The following LINC00632 variants were observed in gnomAD, a reference collection of about 807,000 sequenced individuals.
The protein encoded by LINC00632 is ALDOA related specific transcript.
chrX:140,771,846 A>ATT (rs201454918), intron 3 of LINC00632, among the ~76,000 whole-genome samples: 8 of 104,775 alleles, frequency 7.6e-5, no homozygotes, highest in Non-Finnish European at 1.6e-4. Flanking sequence ...TGCCCAGCTA[A>ATT]TTTTTTTGCA....
At chrX:140,724,467 TATTCCATACATACACACACACAC>T (rs1569348754) in intron 2 of LINC00632, among the ~76,000 whole-genome samples, 1 of 12,544 alleles carries the variant, frequency 8.0e-5, no homozygotes, top group African/African-American at 2.7e-4. Context: ...CACAGAGGCA[TATTCCATACATACACACACACAC>T]ATTCCATACA....
chrX:140,771,006 C>T (rs1364781449), intron 3 of LINC00632, among the ~76,000 whole-genome samples: 1 of 111,602 alleles, frequency 9.0e-6, no homozygotes, highest in African/African-American at 3.3e-5. Flanking sequence ...ATGGCACTAC[C>T]AGAAACTCTC....
chrX:140,749,986 C>T (rs759740504), intron 3 of LINC00632, among the ~76,000 whole-genome samples: 4 of 110,927 alleles, frequency 3.6e-5, no homozygotes, highest in Non-Finnish European at 5.7e-5. Flanking sequence ...TGAGACACCA[C>T]GCCTGGCCAA....
rs750712764 is a variant in LINC00632 at position 140,743,204 on chromosome X, G to A, written n.191+9240G>A. On this transcript the variant is annotated intron_variant and non_coding_transcript_variant, in intron 3 of 4. Coordinates refer to ENST00000648200, the Ensembl canonical transcript of LINC00632. The stretch of plus-strand genomic sequence containing the variant: ...CACACCATTGCACTCCAGCCTGGGC[G>A]ACAGAGCAAAACGCTGTCTCAAAAA... 5.4e-3 allele frequency among the ~76,000 whole-genome samples: 439 copies of A among 80,810 alleles called. 5 individuals carry two copies. Among genetic ancestry groups the A allele is most frequent in the African/African-American group, 0.025 (418 of 16,639 alleles). The allele number at this position is 80,810 out of a possible 115,157, so 70.2% of individuals were successfully genotyped here.
At chrX:140,736,436 C>CTTTTTTTTTTTTTTTTTTTT (rs748293491) in intron 3 of LINC00632, among the ~76,000 whole-genome samples, 1 of 50,064 alleles carries the variant, frequency 2.0e-5, no homozygotes, top group African/African-American at 5.7e-5. Context: ...TCTTCTTCTT[C>CTTTTTTTTTTTTTTTTTTTT]TTTTTTTTTT....
At chrX:140,711,108 A>AT (rs1162073973) in intron 1 of LINC00632, among the ~76,000 whole-genome samples, 1 of 111,428 alleles carries the variant, frequency 9.0e-6, no homozygotes, top group Non-Finnish European at 1.9e-5. Flanking sequence ...GTATATTGGT[A>AT]TTTTGTCTTT....
chrX:140,759,355 TTC>T (rs1931562772), intron 3 of LINC00632, among the ~76,000 whole-genome samples: 1 of 100,002 alleles, frequency 1.0e-5, no homozygotes, highest in Non-Finnish European at 2.0e-5. Context: ...CTTTCTTTCT[TTC>T]TTTCTTTCTT....
intron 3 of LINC00632, among the ~76,000 whole-genome samples, chrX:140,757,406 C>G (rs1305208510): frequency 9.0e-6 from 1 of 111,238 alleles, no homozygotes; most frequent in Non-Finnish European, 1.9e-5. Context: ...CAGATAGCAA[C>G]TGAAATGCTG....
intron 2 of LINC00632, among the ~76,000 whole-genome samples, chrX:140,718,726 C>T (rs898125932): frequency 1.8e-5 from 2 of 111,652 alleles, no homozygotes; most frequent in Non-Finnish European, 1.9e-5. Context: ...GTACCTATTC[C>T]GTAACGCCTA....
At chrX:140,765,263 A>T (rs995937732) in intron 3 of LINC00632, among the ~76,000 whole-genome samples, 11 of 110,550 alleles carry the variant, frequency 1.0e-4, no homozygotes, top group African/African-American at 3.6e-4. Context: ...AGGGGCAGGG[A>T]CTGAGCCTCA....
chrX:140,728,667 A>G (rs57965492), intron 2 of LINC00632, among the ~76,000 whole-genome samples: 5,251 of 111,720 alleles, frequency 0.047, 330 homozygotes, highest in African/African-American at 0.16. Context: ...GTGTCCTTCA[A>G]TGTACAAAAT....
exon 5 of LINC00632, among the ~76,000 whole-genome samples, chrX:140,777,362 C>T (rs1217985128): frequency 4.5e-5 from 5 of 112,239 alleles, no homozygotes; most frequent in African/African-American, 9.7e-5. Flanking sequence ...TTCTTCAACA[C>T]GCTCAAATGA....
At chrX:140,728,884 C>A (rs963762075) in intron 2 of LINC00632, among the ~76,000 whole-genome samples, 2 of 111,259 alleles carry the variant, frequency 1.8e-5, no homozygotes, top group African/African-American at 6.5e-5. Flanking sequence ...CACAACCTCA[C>A]ACCACCCCAC....
chrX:140,765,878 G>A (rs1931682239), intron 3 of LINC00632, among the ~76,000 whole-genome samples: 1 of 111,862 alleles, frequency 8.9e-6, no homozygotes, highest in Admixed American at 9.5e-5. Context: ...GTCTTATGCG[G>A]GCCAGTGAAA....
At chrX:140,783,645 C>T in exon 5 of LINC00632, 1 of 1,211,070 alleles carries the variant, frequency 8.3e-7, no homozygotes, top group Non-Finnish European at 1.1e-6. Context: ...CAGTGTCTTC[C>T]AGAAAGAAAT....
chrX:140,722,721 A>C (rs1264091691), intron 2 of LINC00632, among the ~76,000 whole-genome samples: 1 of 110,882 alleles, frequency 9.0e-6, no homozygotes, highest in Non-Finnish European at 1.9e-5. Flanking sequence ...TCATGAAAAT[A>C]CTCCACACCC....
At chrX:140,723,787 CACAT>C (rs1227115630) in intron 2 of LINC00632, among the ~76,000 whole-genome samples, 16 of 2,893 alleles carry the variant, frequency 5.5e-3, no homozygotes, top group African/African-American at 0.014. Context: ...ATTCCATACA[CACAT>C]ACATACACAC....
rs1198725548 is a variant in LINC00632, at chrX:140,764,858, G to A, written n.192-7220G>A. On this transcript the variant is annotated intron_variant and non_coding_transcript_variant, in intron 3 of 4. Coordinates refer to ENST00000648200, the Ensembl canonical transcript of LINC00632. Reference sequence around the variant, plus strand: ...TCCCATCCTGAGGGCTCCTGCCTCGGCTCCCGGCTTCCTCCTCCGGGCTAT... The same window carrying A: ...TCCCATCCTGAGGGCTCCTGCCTCGACTCCCGGCTTCCTCCTCCGGGCTAT... Among the ~76,000 whole-genome samples, 3 of 110,859 alleles carry A rather than the reference G, an allele frequency of 2.7e-5. No individual in the cohort carries two copies. The East Asian group carries it at 8.6e-4, about 32-fold the overall frequency.
intron 2 of LINC00632, chrX:140,714,576 A>C (rs1930583662): frequency 9.0e-6 from 1 of 111,701 alleles, no homozygotes. Context: ...TTATCCCAGC[A>C]CTTTGGGAGG....
Sources: gnomAD v4.1 joint callset for allele counts (sites outside exome capture counted in the v4.1 genomes callset) on GRCh38, gnomAD v4.1.1 for gene constraint, MANE v1.5 for transcripts, NCBI Gene and HGNC (gene_info 2026-07-23, HGNC 2026-07-21) for gene names.